CFTR: variants seen among roughly 807,000 people sequenced by gnomAD.
The protein encoded by CFTR is cystic fibrosis transmembrane conductance regulator.
A neutral mutation model predicts 171.6 loss-of-function variants in CFTR; 181 were observed. That is an observed-to-expected ratio of 1.05 (90% CI 0.93 to 1.19). The LOEUF (loss-of-function observed/expected upper bound fraction) is 1.19. CFTR is among the 50% of genes most tolerant of loss of function. CFTR has a pLI of 0.00. For missense variants in CFTR, 1,968 were observed against 1,734.7 expected, an observed-to-expected ratio of 1.13 and a Z score of -2.39; for synonymous variants, 583 against 608.0, an observed-to-expected ratio of 0.96 and a Z score of 0.60.
At chr7:117,612,047 A>ATATATATATATG (rs1792413211) in intron 20 of CFTR, among the ~76,000 whole-genome samples, 1 of 75,994 alleles carries the variant, frequency 1.3e-5, no homozygotes, top group Non-Finnish European at 2.7e-5. Context: ...ATATATATAT[A>ATATATATATATG]TATATACATA....
chr7:117,633,335 GA>G (rs894537940), intron 22 of CFTR, among the ~76,000 whole-genome samples: 4 of 152,000 alleles, frequency 2.6e-5, no homozygotes, highest in African/African-American at 7.2e-5. Context: ...ATAGGAAAAT[GA>G]TTTTTTTTGC....
chr7:117,656,157 T>C (rs1164064129), intron 24 of CFTR, among the ~76,000 whole-genome samples: 1 of 152,172 alleles, frequency 6.6e-6, no homozygotes. Context: ...GACTCCACTA[T>C]ACTGGGATTA....
intron 23 of CFTR, among the ~76,000 whole-genome samples, chr7:117,651,115 G>A (rs1793083300): frequency 6.6e-6 from 1 of 152,162 alleles, no homozygotes; most frequent in Non-Finnish European, 1.5e-5. Context: ...CCTGTCCCAG[G>A]ACATGGTTCA....
intron 22 of CFTR, among the ~76,000 whole-genome samples, chr7:117,635,261 G>C (rs1255368289): frequency 6.6e-6 from 1 of 151,896 alleles, no homozygotes; most frequent in African/African-American, 2.4e-5. Context: ...AGCCTCTCCA[G>C]GTCTCTTTTG....
At chr7:117,524,906 A>G (rs1333535641) in intron 3 of CFTR, among the ~76,000 whole-genome samples, 2 of 152,248 alleles carry the variant, frequency 1.3e-5, no homozygotes, top group Non-Finnish European at 2.9e-5. Flanking sequence ...GCACAGTAGG[A>G]TGTTATTTAT....
chr7:117,575,422 G>C (rs1176731560), intron 11 of CFTR, among the ~76,000 whole-genome samples: 1 of 151,962 alleles, frequency 6.6e-6, no homozygotes, highest in African/African-American at 2.4e-5. Context: ...TATCTTTTTG[G>C]TAAGTTATTG....
intron 15 of CFTR, among the ~76,000 whole-genome samples, chr7:117,599,823 T>C (rs1453853636): frequency 6.6e-6 from 1 of 152,116 alleles, no homozygotes; most frequent in Non-Finnish European, 1.5e-5. Context: ...TCCTTTATGA[T>C]ACCAGTGTGC....
rs184271150 is a variant in CFTR, at chr7:117,652,828, C to G, written c.3874-14C>G. On this transcript the variant is annotated splice_polypyrimidine_tract_variant and intron_variant, in intron 23 of 26. Transcript: ENST00000003084. The stretch of plus-strand genomic sequence containing the variant: ...GTTATTCATACTTTCTTCTTCTTTT[C>G]TTTTTTGCTATAGAAAGTATTTATT... The G allele has an allele frequency of 8.7e-6, 11 of 1,270,204 alleles. No individual in the cohort carries two copies. Among genetic ancestry groups the G allele is most frequent in the Admixed American group, 5.2e-5 (3 of 58,118 alleles). The allele number at this position is 1,270,204 out of a possible 1,614,324, so 78.7% of individuals were successfully genotyped here.
At chr7:117,644,548 A>T (rs552322380) in intron 23 of CFTR, among the ~76,000 whole-genome samples, 4 of 152,268 alleles carry the variant, frequency 2.6e-5, no homozygotes, top group African/African-American at 7.2e-5. Context: ...ACACTGAGAC[A>T]TTAGAGATCT....
At chr7:117,556,157 C>T (rs1026135102) in intron 10 of CFTR, among the ~76,000 whole-genome samples, 5 of 152,116 alleles carry the variant, frequency 3.3e-5, no homozygotes, top group East Asian at 3.9e-4. Flanking sequence ...CTCTGCCTCC[C>T]GGGCTCAAGC....
intron 2 of CFTR, among the ~76,000 whole-genome samples, chr7:117,508,830 A>C (rs1488434347): frequency 6.6e-6 from 1 of 152,242 alleles, no homozygotes; most frequent in African/African-American, 2.4e-5. Flanking sequence ...TTCCCTGCAC[A>C]GTGATATATG....
rs188158157 is a variant in CFTR, at chr7:117,529,570, A to G, written c.274-1329A>G. On this transcript the variant is annotated intron_variant, in intron 3 of 26. Transcript: ENST00000003084. ...TCTTGCATTCAGAGCCTTGGTTGAC[A>G]TAGTTAATTAAAAATAAAACATTGT... Among the ~76,000 whole-genome samples, 173 of 152,108 alleles carry G rather than the reference A, an allele frequency of 1.1e-3. 1 individual carries two copies. Among genetic ancestry groups the G allele is most frequent in the Admixed American group, 0.011 (171 of 15,274 alleles).
intron 1 of CFTR, among the ~76,000 whole-genome samples, chr7:117,503,777 A>G (rs966223789): frequency 2.0e-5 from 3 of 152,236 alleles, no homozygotes; most frequent in Non-Finnish European, 4.4e-5. Flanking sequence ...TTCAATGAAT[A>G]GCTCATTACT....
At chr7:117,622,048 T>C (rs1289812939) in intron 21 of CFTR, among the ~76,000 whole-genome samples, 9 of 152,202 alleles carry the variant, frequency 5.9e-5, no homozygotes, top group Admixed American at 5.9e-4. Flanking sequence ...TCACTTCTGA[T>C]AGAAAAAGTG....
intron 10 of CFTR, among the ~76,000 whole-genome samples, chr7:117,554,039 G>T (rs1455380018): frequency 6.6e-6 from 1 of 152,134 alleles, no homozygotes; most frequent in African/African-American, 2.4e-5. Context: ...GTGGAGGTAG[G>T]GGGTAAACCA....
At chr7:117,505,560 G>A (rs934822002) in intron 2 of CFTR, among the ~76,000 whole-genome samples, 2 of 152,088 alleles carry the variant, frequency 1.3e-5, no homozygotes, top group African/African-American at 4.8e-5. Flanking sequence ...CTATCTTTAA[G>A]GACCACGAAA....
chr7:117,559,597 G>T lies in CFTR; in HGVS notation c.1526G>T (p.Gly509Val). The T allele has an allele frequency of 6.2e-7, 1 of 1,612,842 alleles. No homozygotes were observed. Among genetic ancestry groups the T allele is most frequent in the Non-Finnish European group, 8.5e-7 (1 of 1,179,102 alleles). ...ACCATTAAAGAAAATATCATCTTTG[G>T]TGTTTCCTATGATGAATATAGATAC... ...PGTIKENIIF[G>V]VSYDEYRYRS... is the part of the protein sequence containing the mutation. The change falls in exon 11 of 27, where the codon GGT (glycine) becomes GTT (valine). Residue 509 changes from glycine (G) to valine (V), a missense_variant. Transcript: ENST00000003084.
intron 11 of CFTR, among the ~76,000 whole-genome samples, chr7:117,574,112 C>G (rs1791736764): frequency 6.6e-6 from 1 of 151,976 alleles, no homozygotes; most frequent in Admixed American, 6.6e-5. Context: ...AACCAACACC[C>G]TTAAGATAAA....
chr7:117,636,646 C>A (rs1365488591), intron 22 of CFTR, among the ~76,000 whole-genome samples: 1 of 151,650 alleles, frequency 6.6e-6, no homozygotes, highest in Admixed American at 6.6e-5. Context: ...CTCAGAGATT[C>A]TTTCTTCAGC....
Sources: gnomAD v4.1 joint callset for allele counts (sites outside exome capture counted in the v4.1 genomes callset) on GRCh38, gnomAD v4.1.1 for gene constraint, MANE v1.5 for transcripts, NCBI Gene and HGNC (gene_info 2026-07-23, HGNC 2026-07-21) for gene names.